The following AP3B1 variants were observed in gnomAD, a reference collection of about 807,000 sequenced individuals.
AP3B1 encodes the protein adaptor related protein complex 3 subunit beta 1, also known as AP-3 complex subunit beta-1.
A neutral mutation model predicts 132.5 loss-of-function variants in AP3B1; 61 were observed. The ratio of observed to expected loss-of-function variants is 0.46; its 90% CI spans 0.37 to 0.57. The LOEUF (loss-of-function observed/expected upper bound fraction) is 0.57. AP3B1 is among the 20% of genes least tolerant of loss of function. The pLI is 0.00. For missense variants in AP3B1, 1,120 were observed against 1,289.4 expected (o/e 0.87, Z 2.01); for synonymous variants, 388 against 438.3 (o/e 0.89, Z 1.43).
intron 11 of AP3B1, among the ~76,000 whole-genome samples, chr5:78,173,589 G>A (rs1305380063): frequency 6.7e-6 from 1 of 150,236 alleles, no homozygotes; most frequent in Non-Finnish European, 1.5e-5. Context: ...TTTTTGCTTT[G>A]CATTTGTTTG....
chr5:78,228,230 A>G lies in AP3B1; in HGVS notation c.289T>C (p.Leu97=). The G allele has an allele frequency of 6.2e-7, 1 of 1,604,658 alleles. No individual in the cohort carries two copies. Among genetic ancestry groups the G allele is most frequent in the East Asian group, 2.2e-5 (1 of 44,510 alleles). Residue 97 remains leucine (L), a synonymous_variant, in exon 4 of 27, where the codon TTG becomes CTG. Coordinates refer to ENST00000255194, the MANE Select transcript of AP3B1 (RefSeq NM_003664.5). ...VASKNIEIKK[L]VYVYLVRYAE... ...TATCGAACCAGGTAAACATATACCAACTTCTTGATCTGTTAAAAAAAAATC... is the reference window on the plus strand; with the variant it reads ...TATCGAACCAGGTAAACATATACCAGCTTCTTGATCTGTTAAAAAAAAATC...
chr5:78,058,066 A>G lies in AP3B1; in HGVS notation c.2578-18792T>C, dbSNP rs148657492. ...TTACTTTTTAGTTCTCTACTACCTTAATAGCACCGGTTAGTTATCTGTGCC... is the reference window on the plus strand; with the variant it reads ...TTACTTTTTAGTTCTCTACTACCTTGATAGCACCGGTTAGTTATCTGTGCC... On this transcript the variant is annotated intron_variant, in intron 22 of 26. Coordinates refer to ENST00000255194, the MANE Select transcript of AP3B1 (RefSeq NM_003664.5). Among the ~76,000 whole-genome samples, 41 of 152,326 alleles carry G rather than the reference A, an allele frequency of 2.7e-4. 1 individual carries two copies. In the East Asian group the frequency reaches 7.5e-3, roughly 28 times the overall value.
intron 6 of AP3B1, chr5:78,222,527 G>C (rs1746223698): frequency 1.3e-5 from 2 of 152,042 alleles, no homozygotes; most frequent in Admixed American, 1.3e-4. Flanking sequence ...TAATTGTTTG[G>C]GCCAGTTTTA....
intron 20 of AP3B1, among the ~76,000 whole-genome samples, chr5:78,105,211 C>T (rs1264638469): frequency 6.6e-6 from 1 of 151,942 alleles, no homozygotes; most frequent in Admixed American, 6.6e-5. Context: ...GCCATTAGTA[C>T]ACAGACACTA....
chr5:78,083,028 GCTGGTCTCGAA>G (rs1332405804), intron 22 of AP3B1, among the ~76,000 whole-genome samples: 2 of 152,038 alleles, frequency 1.3e-5, no homozygotes, highest in Non-Finnish European at 2.9e-5. Context: ...TGTTAGCCAG[GCTGGTCTCGAA>G]CTCCTGACCT....
chr5:78,286,268 T>A (rs1749277186), intron 1 of AP3B1, among the ~76,000 whole-genome samples: 2 of 152,190 alleles, frequency 1.3e-5, no homozygotes, highest in Non-Finnish European at 2.9e-5. Context: ...ACCACCCTAC[T>A]ATGGTTTCAA....
intron 22 of AP3B1, among the ~76,000 whole-genome samples, chr5:78,066,581 A>G (rs1264972206): frequency 6.6e-6 from 1 of 152,232 alleles, no homozygotes; most frequent in Non-Finnish European, 1.5e-5. Context: ...CTTGAAGACT[A>G]TCTTGCTGAA....
At chr5:78,151,202 C>T (rs1753635425) in intron 14 of AP3B1, among the ~76,000 whole-genome samples, 1 of 152,162 alleles carries the variant, frequency 6.6e-6, no homozygotes. Context: ...GGATTACAGG[C>T]GTGAGCCACC....
At chr5:78,017,398 A>G (rs1746904487) in intron 25 of AP3B1, among the ~76,000 whole-genome samples, 1 of 152,054 alleles carries the variant, frequency 6.6e-6, no homozygotes. Flanking sequence ...ATTAATTTAC[A>G]TGCAAAAGAA....
At chr5:78,200,568 A>T (rs1745249590) in intron 7 of AP3B1, among the ~76,000 whole-genome samples, 1 of 152,080 alleles carries the variant, frequency 6.6e-6, no homozygotes, top group South Asian at 2.1e-4. Flanking sequence ...CTGAGATAGG[A>T]GGATCACTTG....
intron 1 of AP3B1, among the ~76,000 whole-genome samples, chr5:78,276,959 C>T (rs555737812): frequency 1.6e-4 from 24 of 145,968 alleles, no homozygotes; most frequent in African/African-American, 4.9e-4. Context: ...AAGTTTCCAT[C>T]TCAGAATGCT....
intron 7 of AP3B1, among the ~76,000 whole-genome samples, chr5:78,214,598 A>G (rs1465343681): frequency 6.6e-6 from 1 of 152,188 alleles, no homozygotes; most frequent in Non-Finnish European, 1.5e-5. Context: ...CTATAACTTT[A>G]TACAATAGAA....
At position 78,247,974 on chromosome 5, in the gene AP3B1, T is replaced by G. The variant is rs528008654; in HGVS notation, c.205-7038A>C. 1.0e-3 allele frequency among the ~76,000 whole-genome samples: 158 copies of G among 152,326 alleles called. 2 individuals carry two copies. The highest frequency in any genetic ancestry group is 1.6e-4 in the Non-Finnish European group (11 of 68,030). ...CATATTTTTATATTAACTTTCTGCC[T>G]ATATCTTTTTATATAATTTACTGGT... On this transcript the variant is annotated intron_variant, in intron 2 of 26. Coordinates refer to ENST00000255194, the MANE Select transcript of AP3B1 (RefSeq NM_003664.5).
intron 7 of AP3B1, among the ~76,000 whole-genome samples, chr5:78,215,675 C>CT (rs1316672446): frequency 3.9e-5 from 6 of 152,248 alleles, no homozygotes; most frequent in South Asian, 2.1e-4. Context: ...ACATCACCTA[C>CT]TTTTTTTACA....
At chr5:78,028,711 C>T (rs1433218593) in intron 24 of AP3B1, among the ~76,000 whole-genome samples, 3 of 152,132 alleles carry the variant, frequency 2.0e-5, no homozygotes, top group East Asian at 1.9e-4. Flanking sequence ...TCCTTTTGGG[C>T]TTTAAAATCA....
intron 21 of AP3B1, among the ~76,000 whole-genome samples, chr5:78,096,758 G>A (rs1242951265): frequency 1.3e-5 from 2 of 151,828 alleles, no homozygotes; most frequent in African/African-American, 4.8e-5. Flanking sequence ...TGAGAAGTGA[G>A]GAGCCCCTCC....
rs574956830 is a variant in AP3B1, at chr5:78,217,481, T to A, written c.604-1244A>T. Among the ~76,000 whole-genome samples the A allele has an allele frequency of 1.2e-3, 190 of 152,220 alleles. 1 individual carries two copies. The highest frequency in any genetic ancestry group is 4.3e-3 in the African/African-American group (177 of 41,574). ...ATCGAAAAAGCACAGAATTGATTATTTGTGTGAACTATATAAAAATGTATT... is the reference window on the plus strand; with the variant it reads ...ATCGAAAAAGCACAGAATTGATTATATGTGTGAACTATATAAAAATGTATT... On this transcript the variant is annotated intron_variant, in intron 6 of 26. Coordinates refer to ENST00000255194, the MANE Select transcript of AP3B1 (RefSeq NM_003664.5).
chr5:78,212,628 C>T (rs1745788873), intron 7 of AP3B1, among the ~76,000 whole-genome samples: 1 of 151,954 alleles, frequency 6.6e-6, no homozygotes, highest in Non-Finnish European at 1.5e-5. Context: ...TTGGATGATT[C>T]CATGAAACAA....
Position 78,138,673 on chromosome 5 carries a change from T to C in AP3B1, c.1650+2470A>G, listed in dbSNP as rs151166181. Reference sequence around the variant, plus strand: ...CATTAGGTGGTGAGGCCTATTGTAGTTTCCTAGAAGTATCATTCTAAAATA... The same window carrying C: ...CATTAGGTGGTGAGGCCTATTGTAGCTTCCTAGAAGTATCATTCTAAAATA... On this transcript the variant is annotated intron_variant, in intron 15 of 26. Coordinates refer to ENST00000255194, the MANE Select transcript of AP3B1 (RefSeq NM_003664.5). 1.1e-3 allele frequency among the ~76,000 whole-genome samples: 173 copies of C among 152,124 alleles called. 2 individuals are homozygous for C. The highest frequency in any genetic ancestry group is 3.9e-3 in the African/African-American group (161 of 41,498).
Sources: gnomAD v4.1 joint callset for allele counts (sites outside exome capture counted in the v4.1 genomes callset) on GRCh38, gnomAD v4.1.1 for gene constraint, MANE v1.5 for transcripts, NCBI Gene and HGNC (gene_info 2026-07-23, HGNC 2026-07-21) for gene names.